NFIB: variants seen among roughly 807,000 people sequenced by gnomAD.
The protein encoded by NFIB is nuclear factor I B.
NFIB carries 11 observed loss-of-function variants against 61.5 expected under a neutral mutation model. That is an observed-to-expected ratio of 0.18 (90% CI 0.11 to 0.30). NFIB has a LOEUF of 0.30. NFIB is among the 10% of genes least tolerant of loss of function. The pLI is 1.00. For synonymous variants in NFIB, 260 were observed against 216.5 expected (o/e 1.20, Z -1.76); for missense variants, 471 against 608.9 (o/e 0.77, Z 2.38).
intron 2 of NFIB, among the ~76,000 whole-genome samples, chr9:14,260,112 G>C (rs930650320): frequency 2.6e-5 from 4 of 152,146 alleles, no homozygotes; most frequent in Non-Finnish European, 4.4e-5. Context: ...GAACCTACAA[G>C]ACACTGGGGT....
intron 8 of NFIB, 42 bp from the exon 9 acceptor site, chr9:14,116,388 G>C: frequency 6.9e-7 from 1 of 1,439,558 alleles, no homozygotes; most frequent in Admixed American, 2.5e-5. Context: ...CAATCCAAAA[G>C]GCAGTCATCT....
chr9:14,418,134 G>A, the NFIB span, among the ~76,000 whole-genome samples: 2 of 152,152 alleles, frequency 1.3e-5, no homozygotes, highest in Non-Finnish European at 2.9e-5. Flanking sequence ...ACTCATTAAA[G>A]TCTGAGGACC....
At chr9:14,504,591 C>T in the NFIB span, among the ~76,000 whole-genome samples, 153 of 152,128 alleles carry the variant, frequency 1.0e-3, 1 homozygote, top group Non-Finnish European at 9.7e-4. Context: ...TTTTTTGCAG[C>T]TATTATTAAA....
At chr9:14,448,386 CA>C in the NFIB span, among the ~76,000 whole-genome samples, 5 of 151,722 alleles carry the variant, frequency 3.3e-5, no homozygotes, top group East Asian at 1.9e-4. Flanking sequence ...TGATTGCATC[CA>C]AAAAAAATTT....
At chr9:14,158,708 T>C (rs1181467055) in intron 3 of NFIB, among the ~76,000 whole-genome samples, 1 of 152,244 alleles carries the variant, frequency 6.6e-6, no homozygotes, top group Non-Finnish European at 1.5e-5. Flanking sequence ...ATAATTATAC[T>C]AACCTCTGTT....
chr9:14,510,850 G>A, the NFIB span, among the ~76,000 whole-genome samples: 37 of 152,190 alleles, frequency 2.4e-4, no homozygotes, highest in South Asian at 3.7e-3. Flanking sequence ...TGACTGAACT[G>A]CAATACCTTT....
the NFIB span, among the ~76,000 whole-genome samples, chr9:14,490,703 A>G: frequency 3.3e-5 from 5 of 152,216 alleles, no homozygotes; most frequent in African/African-American, 1.2e-4. Context: ...AAGGAATCTC[A>G]ATTTCATCAG....
chr9:14,164,229 A>G (rs2044520521), intron 3 of NFIB, among the ~76,000 whole-genome samples: 1 of 152,112 alleles, frequency 6.6e-6, no homozygotes, highest in African/African-American at 2.4e-5. Flanking sequence ...AAAATATACA[A>G]GTATAGTCAT....
At chr9:14,091,544 C>T (rs537846096) in intron 10 of NFIB, among the ~76,000 whole-genome samples, 6 of 151,852 alleles carry the variant, frequency 4.0e-5, no homozygotes, top group African/African-American at 1.4e-4. Flanking sequence ...ATGTTCATTC[C>T]AACTATCTGC....
At chr9:14,512,988 A>G in the NFIB span, among the ~76,000 whole-genome samples, 1 of 151,366 alleles carries the variant, frequency 6.6e-6, no homozygotes, top group Non-Finnish European at 1.5e-5. Context: ...AAGAATTTTC[A>G]AGACAATGTA....
chr9:14,483,475 C>T, the NFIB span, among the ~76,000 whole-genome samples: 1 of 152,178 alleles, frequency 6.6e-6, no homozygotes, highest in East Asian at 1.9e-4. Context: ...CTAATTTTCA[C>T]GGAGGCATCA....
At chr9:14,168,647 C>A (rs917434468) in intron 3 of NFIB, among the ~76,000 whole-genome samples, 12 of 152,206 alleles carry the variant, frequency 7.9e-5, no homozygotes, top group African/African-American at 2.9e-4. Flanking sequence ...TCACCACAGA[C>A]CTGTAATGGA....
intron 3 of NFIB, among the ~76,000 whole-genome samples, chr9:14,167,639 C>T (rs2131329916): frequency 6.6e-6 from 1 of 152,234 alleles, no homozygotes; most frequent in African/African-American, 2.4e-5. Flanking sequence ...AGCAAGTGAC[C>T]TATAAAGAGT....
chr9:14,318,342 C>G (rs1322592593), upstream of NFIB, among the ~76,000 whole-genome samples: 1 of 152,170 alleles, frequency 6.6e-6, no homozygotes. Context: ...CCTTTCACTA[C>G]GGATCTCCAG....
chr9:14,488,950 A>C, the NFIB span, among the ~76,000 whole-genome samples: 1 of 152,224 alleles, frequency 6.6e-6, no homozygotes, highest in African/African-American at 2.4e-5. Context: ...AATCAGCATA[A>C]CATACAGTAG....
At chr9:14,387,826 A>G (rs2061566532) in intron 1 of NFIB, among the ~76,000 whole-genome samples, 1 of 152,150 alleles carries the variant, frequency 6.6e-6, no homozygotes, top group South Asian at 2.1e-4. Flanking sequence ...GTATTTTCCA[A>G]TTTCCCCATT....
At chr9:14,420,364 T>C in the NFIB span, among the ~76,000 whole-genome samples, 2 of 139,434 alleles carry the variant, frequency 1.4e-5, no homozygotes, top group Admixed American at 8.4e-5. Flanking sequence ...GAGGATCACT[T>C]GAACCCGGGA....
chr9:14,337,654 C>T (rs934543617), intron 1 of NFIB, among the ~76,000 whole-genome samples: 1 of 152,180 alleles, frequency 6.6e-6, no homozygotes, highest in Non-Finnish European at 1.5e-5. Flanking sequence ...ACTGGGGTGG[C>T]GGGGGACACA....
chr9:14,386,118 A>G (rs989151780), intron 1 of NFIB, among the ~76,000 whole-genome samples: 1 of 152,240 alleles, frequency 6.6e-6, no homozygotes, highest in Admixed American at 6.5e-5. Context: ...CTGAATCATT[A>G]GATGAAATCT....
Sources: allele counts gnomAD v4.1 joint callset (sites outside exome capture counted in the v4.1 genomes callset), GRCh38; gene constraint gnomAD v4.1.1; transcripts MANE v1.5; gene names NCBI Gene and HGNC (gene_info 2026-07-23, HGNC 2026-07-21).